SHLD2: variants seen among roughly 807,000 people sequenced by gnomAD.
SHLD2 encodes the protein RINN1-REV7-interacting novel NHEJ regulator 2.
A neutral mutation model predicts 73.2 loss-of-function variants in SHLD2; 30 were observed. That is an observed-to-expected ratio of 0.41 (90% CI 0.31 to 0.56). The LOEUF (loss-of-function observed/expected upper bound fraction) is 0.56. Ranked by LOEUF, SHLD2 falls within the 20% of genes least tolerant of loss-of-function variation. SHLD2 has a pLI of 0.28. For missense variants in SHLD2, 745 were observed against 1,055.9 expected, an observed-to-expected ratio of 0.71 and a Z score of 4.08; for synonymous variants, 285 against 370.1, an observed-to-expected ratio of 0.77 and a Z score of 2.64.
Position 87,127,332 on chromosome 10 carries a change from T to A in SHLD2, c.-5-24018T>A, listed in dbSNP as rs565691626. 9.2e-5 allele frequency among the ~76,000 whole-genome samples: 14 copies of A among 152,276 alleles called. No individual in the cohort carries two copies. The South Asian group carries it at 2.7e-3, about 29-fold the overall frequency. ...CTGGTAGAAAGTTTTCACTTTTAAT[T>A]GCTAACTTGCCTAGTGAGAGTGAAA... On this transcript the variant is annotated intron_variant, in intron 2 of 9. Coordinates refer to ENST00000298786, the MANE Select transcript of SHLD2 (RefSeq NM_001330112.2).
chr10:87,147,910 T>G (rs899377513), intron 2 of SHLD2, among the ~76,000 whole-genome samples: 2 of 150,078 alleles, frequency 1.3e-5, no homozygotes, highest in African/African-American at 2.5e-5. Context: ...CAGACTGGAG[T>G]GCAGTGGTGT....
rs1842234289 is a variant in SHLD2, at chr10:87,101,022, G to A, written c.-6+4033G>A. 3.3e-5 allele frequency among the ~76,000 whole-genome samples: 5 copies of A among 152,136 alleles called. No individual in the cohort carries two copies. In the South Asian group the frequency reaches 1.0e-3, roughly 31 times the overall value. On this transcript the variant is annotated intron_variant, in intron 2 of 9. Coordinates refer to ENST00000298786, the MANE Select transcript of SHLD2 (RefSeq NM_001330112.2). ...CATGGGATATCTTTCTGTATATGTA[G>A]GTCTTTTAAAACTTCTCTCAGGACT...
At chr10:87,145,488 CTTCT>C (rs1000560339) in intron 2 of SHLD2, among the ~76,000 whole-genome samples, 2 of 151,748 alleles carry the variant, frequency 1.3e-5, no homozygotes, top group African/African-American at 4.8e-5. Context: ...TCCCATGTGG[CTTCT>C]TTGTCATTTG....
chr10:87,183,647 G>T (rs1373992387), intron 8 of SHLD2, among the ~76,000 whole-genome samples: 1 of 152,130 alleles, frequency 6.6e-6, no homozygotes, highest in African/African-American at 2.4e-5. Context: ...TATGTCTTCA[G>T]TTTCACTTCA....
At chr10:87,107,055 AT>A (rs534120367) in intron 2 of SHLD2, among the ~76,000 whole-genome samples, 2 of 134,472 alleles carry the variant, frequency 1.5e-5, no homozygotes, top group Non-Finnish European at 3.1e-5. Context: ...CAGAGAGACT[AT>A]TTTTTTTCTA....
chr10:87,191,347 A>G lies in SHLD2; in HGVS notation c.*664A>G, dbSNP rs1240140506. ...CTCATTGTGATTGTGGAAGAAGCTCATGTAAAATGATAGTCATTAATGAGG... is the reference window on the plus strand; with the variant it reads ...CTCATTGTGATTGTGGAAGAAGCTCGTGTAAAATGATAGTCATTAATGAGG... On this transcript the variant is annotated 3_prime_UTR_variant, in exon 10 of 10. Coordinates refer to ENST00000298786, the MANE Select transcript of SHLD2 (RefSeq NM_001330112.2). The G allele has an allele frequency of 6.4e-6, 1 of 155,092 alleles. No individual in the cohort carries two copies. Among genetic ancestry groups the G allele is most frequent in the African/African-American group, 2.4e-5 (1 of 41,470 alleles). 9.6% of individuals were successfully genotyped at this position (155,092 alleles called of 1,614,324 possible). A position where few individuals can be genotyped will look rare whatever the true frequency, so the allele number is the denominator to read the frequency against.
At chr10:87,156,533 T>C (rs564848483) in intron 3 of SHLD2, among the ~76,000 whole-genome samples, 9 of 152,154 alleles carry the variant, frequency 5.9e-5, no homozygotes, top group Non-Finnish European at 8.8e-5. Flanking sequence ...AGGCTTAACA[T>C]TGGGAAACAA....
At chr10:87,106,473 A>G (rs1440288910) in intron 2 of SHLD2, among the ~76,000 whole-genome samples, 7 of 152,256 alleles carry the variant, frequency 4.6e-5, no homozygotes, top group African/African-American at 1.4e-4. Context: ...TTGCAGTTTC[A>G]TATTGTATAC....
intron 2 of SHLD2, among the ~76,000 whole-genome samples, chr10:87,118,524 A>T (rs1264650357): frequency 6.8e-6 from 1 of 146,450 alleles, no homozygotes; most frequent in East Asian, 2.0e-4. Flanking sequence ...GGAATCAAAG[A>T]TATTGTCACC....
At chr10:87,107,489 G>C (rs188987150) in intron 2 of SHLD2, among the ~76,000 whole-genome samples, 1 of 152,252 alleles carries the variant, frequency 6.6e-6, no homozygotes, top group East Asian at 1.9e-4. Context: ...CTTTATATAG[G>C]GTGTTCAGAG....
chr10:87,169,937 G>A (rs1847473482), intron 4 of SHLD2, among the ~76,000 whole-genome samples: 1 of 152,214 alleles, frequency 6.6e-6, no homozygotes, highest in South Asian at 2.1e-4. Flanking sequence ...ATTCTATGTG[G>A]TATTGGGTAG....
intron 6 of SHLD2, among the ~76,000 whole-genome samples, chr10:87,175,010 C>T (rs61858940): frequency 3.3e-5 from 5 of 151,166 alleles, no homozygotes; most frequent in Non-Finnish European, 7.4e-5. Flanking sequence ...CCAGCTACTC[C>T]GGAGGCTGAG....
chr10:87,142,016 G>A (rs1845229455), intron 2 of SHLD2, among the ~76,000 whole-genome samples: 1 of 141,368 alleles, frequency 7.1e-6, no homozygotes, highest in Non-Finnish European at 1.5e-5. Context: ...GGGCAACAGA[G>A]CAAGACTCCA....
At position 87,103,090 on chromosome 10, in the gene SHLD2, G is replaced by A. The variant is rs181570058; in HGVS notation, c.-6+6101G>A. 3.2e-3 allele frequency among the ~76,000 whole-genome samples: 483 copies of A among 151,482 alleles called. 3 individuals are homozygous for A. The highest frequency in any genetic ancestry group is 0.023 in the East Asian group (118 of 5,096). ...CTAGGTGTGGTGGTGCACGCCTGTA[G>A]TCCCAGCTGCTCAGGAGGCTAAGGC... On this transcript the variant is annotated intron_variant, in intron 2 of 9. Transcript: ENST00000298786.
intron 2 of SHLD2, among the ~76,000 whole-genome samples, chr10:87,127,717 T>C (rs1032905505): frequency 1.3e-5 from 2 of 151,254 alleles, no homozygotes; most frequent in Admixed American, 1.3e-4. Flanking sequence ...AACACAACTG[T>C]GTTAATACTG....
intron 3 of SHLD2, among the ~76,000 whole-genome samples, chr10:87,157,429 C>T (rs1846510926): frequency 6.6e-6 from 1 of 152,202 alleles, no homozygotes; most frequent in African/African-American, 2.4e-5. Context: ...ACGTTTTGCT[C>T]TACCTACAAT....
Position 87,191,251 on chromosome 10 carries a change from G to T in SHLD2, c.*568G>T. The T allele has an allele frequency of 6.3e-6, 1 of 158,512 alleles. No individual in the cohort carries two copies. The highest frequency in any genetic ancestry group is 5.9e-5 in the Admixed American group (1 of 16,940). 9.8% of individuals were successfully genotyped at this position (158,512 alleles called of 1,614,324 possible). On this transcript the variant is annotated 3_prime_UTR_variant, in exon 10 of 10. Transcript: ENST00000298786. ...ATTAAAGCAGGGAAGAGCGTTCTGT[G>T]CTTAGTTCGTGTCTAGGATTTGAGT...
rs1442671831 is a variant in SHLD2, at chr10:87,187,078, T to C, written c.2400-7T>C. On this transcript the variant is annotated splice_polypyrimidine_tract_variant and splice_region_variant and intron_variant, in intron 8 of 9. Coordinates refer to ENST00000298786, the MANE Select transcript of SHLD2 (RefSeq NM_001330112.2). ...TTGAAGGTCGTGTGTTGTTTACTCT[T>C]TTGTAGGCCAGCGTTAATGACTGCC... The C allele has an allele frequency of 2.5e-6, 4 of 1,583,202 alleles. No homozygotes were observed. The highest frequency in any genetic ancestry group is 3.5e-6 in the Non-Finnish European group (4 of 1,152,368).
chr10:87,119,416 T>C (rs1171120827), intron 2 of SHLD2, among the ~76,000 whole-genome samples: 1 of 151,898 alleles, frequency 6.6e-6, no homozygotes, highest in East Asian at 1.9e-4. Context: ...CTCTAGAACA[T>C]GTGAAGTATC....
Sources: allele counts gnomAD v4.1 joint callset (sites outside exome capture counted in the v4.1 genomes callset), GRCh38; gene constraint gnomAD v4.1.1; transcripts MANE v1.5; gene names NCBI Gene and HGNC (gene_info 2026-07-23, HGNC 2026-07-21).